Variants in THRAP3 observed in about 807,000 individuals in gnomAD.
The protein encoded by THRAP3 is thyroid hormone receptor associated protein 3.
Under a neutral mutation model 101.0 loss-of-function variants are expected in THRAP3, and 16 were observed. That is an observed-to-expected ratio of 0.16 (90% CI 0.11 to 0.24). The LOEUF (loss-of-function observed/expected upper bound fraction) is 0.24. Ranked by LOEUF, THRAP3 falls within the 10% of genes least tolerant of loss-of-function variation. The pLI is 1.00. For synonymous variants in THRAP3, 407 were observed against 422.6 expected, an observed-to-expected ratio of 0.96 and a Z score of 0.45; for missense variants, 989 against 1,202.7, an observed-to-expected ratio of 0.82 and a Z score of 2.63.
intron 1 of THRAP3, among the ~76,000 whole-genome samples, chr1:36,254,281 T>C (rs537283845): frequency 6.6e-6 from 1 of 152,338 alleles, no homozygotes; most frequent in Admixed American, 6.5e-5. Flanking sequence ...TTTACCGTCA[T>C]TTGCTTTCTT....
the THRAP3 span, among the ~76,000 whole-genome samples, chr1:36,218,970 T>C: frequency 7.6e-6 from 1 of 131,788 alleles, no homozygotes; most frequent in Non-Finnish European, 1.5e-5. Flanking sequence ...GAGGTGGAGG[T>C]GGCAGTGAGC....
In THRAP3 at chr1:36,288,550, A is replaced by G. The variant is rs1031636539; in HGVS notation, c.1041-510A>G. On this transcript the variant is annotated intron_variant, in intron 4 of 11. Transcript: ENST00000354618. Reference sequence around the variant, plus strand: ...TTTTGTTTTTATTTGTGTTCACAGTATATTTCGTATTTAGATCTTCTAGGT... The same window carrying G: ...TTTTGTTTTTATTTGTGTTCACAGTGTATTTCGTATTTAGATCTTCTAGGT... 8 of 985,420 alleles carry G rather than the reference A, an allele frequency of 8.1e-6. No homozygotes were observed. The Admixed American group carries it at 3.1e-4, about 38-fold the overall frequency. The allele number at this position is 985,420 out of a possible 1,614,324, so 61.0% of individuals were successfully genotyped here.
intron 1 of THRAP3, among the ~76,000 whole-genome samples, chr1:36,258,964 A>G (rs907405873): frequency 6.6e-6 from 1 of 152,204 alleles, no homozygotes; most frequent in Non-Finnish European, 1.5e-5. Flanking sequence ...TTGTGCTTTT[A>G]TGGGTAGGTA....
At chr1:36,287,508 T>C in intron 4 of THRAP3, 1 of 985,478 alleles carries the variant, frequency 1.0e-6, no homozygotes, top group Non-Finnish European at 1.2e-6. Flanking sequence ...TCTGCAATGA[T>C]GTTTTCACAT....
In THRAP3 at chr1:36,287,060, T is replaced by A; in HGVS notation, c.830T>A (p.Leu277His). The change falls in exon 4 of 12, where the codon CTT becomes CAT. Residue 277 changes from leucine (L) to histidine (H), a missense_variant. Transcript: ENST00000354618. ...PSPVPKPSPPLSSTSQMGSTL... is the reference protein window; with the variant it reads ...PSPVPKPSPPHSSTSQMGSTL... ...CCCGTGCCAAAACCTAGTCCTCCAC[T>A]TTCCAGCACATCCCAGATGGGCTCA... is the stretch of plus-strand genomic sequence containing the variant. 2 of 1,613,670 alleles carry A rather than the reference T, an allele frequency of 1.2e-6. No homozygotes were observed. Among genetic ancestry groups the A allele is most frequent in the Non-Finnish European group, 1.7e-6 (2 of 1,179,684 alleles).
chr1:36,210,746 A>ATCATATATATATATCATATATATAT, the THRAP3 span, among the ~76,000 whole-genome samples: 1 of 98,870 alleles, frequency 1.0e-5, no homozygotes, highest in East Asian at 2.7e-4. Context: ...TCATATATAT[A>ATCATATATATATATCATATATATAT]AAGTGTCAGC....
chr1:36,238,935 T>A (rs1427183322), intron 1 of THRAP3, among the ~76,000 whole-genome samples: 1 of 151,870 alleles, frequency 6.6e-6, no homozygotes. Flanking sequence ...ATTGTTTAAT[T>A]ATTATTATTA....
chr1:36,250,741 A>C (rs983502133), intron 1 of THRAP3, among the ~76,000 whole-genome samples: 1 of 151,224 alleles, frequency 6.6e-6, no homozygotes, highest in Non-Finnish European at 1.5e-5. Flanking sequence ...GCGAAACCCA[A>C]TCTGTACTAA....
At chr1:36,231,174 C>T (rs1332675952) in intron 1 of THRAP3, among the ~76,000 whole-genome samples, 2 of 151,606 alleles carry the variant, frequency 1.3e-5, no homozygotes, top group Non-Finnish European at 2.9e-5. Context: ...GTCTTGGTAC[C>T]TTATATCCTT....
intron 1 of THRAP3, among the ~76,000 whole-genome samples, chr1:36,242,515 C>T (rs1348859657): frequency 2.7e-5 from 4 of 147,556 alleles, no homozygotes; most frequent in Admixed American, 2.1e-4. Context: ...TGCAGAGACG[C>T]GATCTCCGCT....
chr1:36,243,913 C>T lies in THRAP3; in HGVS notation c.-134-15469C>T, dbSNP rs555096455. Among the ~76,000 whole-genome samples the T allele has an allele frequency of 1.8e-4, 26 of 141,756 alleles. 1 individual carries two copies. The highest frequency in any genetic ancestry group is 1.5e-3 in the Admixed American group (22 of 14,638). 93.0% of individuals were successfully genotyped at this position (141,756 alleles called of 152,430 possible). On this transcript the variant is annotated intron_variant, in intron 1 of 11. Transcript: ENST00000354618. ...CTCCCTCCCAGACGGGGCGGCTGGC[C>T]GGGCGGGGGGCTGACCCCCCCACCT...
the THRAP3 span, among the ~76,000 whole-genome samples, chr1:36,214,729 C>T: frequency 6.6e-6 from 1 of 150,976 alleles, no homozygotes; most frequent in Non-Finnish European, 1.5e-5. Flanking sequence ...CATGGTGGCA[C>T]ATGCCTGTAA....
the THRAP3 span, among the ~76,000 whole-genome samples, chr1:36,214,014 GAAAGAAAGAAAGAAA>G: frequency 2.7e-5 from 2 of 72,808 alleles, no homozygotes; most frequent in African/African-American, 1.3e-4. Context: ...AAGAAAGAAA[GAAAGAAAGAAAGAAA>G]GAAAGAAAGA....
Position 36,286,677 on chromosome 1 carries a change from G to A in THRAP3, c.447G>A (p.Ser149=), listed in dbSNP as rs777324978. Residue 149 remains serine (S), a synonymous_variant, in exon 4 of 12, where the codon TCG becomes TCA. Transcript: ENST00000354618. This position sits in a 1 kb window ranked among gnomAD's most constrained non-coding sequence, Gnocchi z 5.5. ...GCCATTCTAGAAACTCTGATAAGTC[G>A]TCTTCTGACCGGTCAAGGCGCTCCT... is the stretch of plus-strand genomic sequence containing the variant. ...SRSHSRNSDK[S]SSDRSRRSSS... is the part of the protein sequence containing the mutation. 28 of 1,614,008 alleles carry A rather than the reference G, an allele frequency of 1.7e-5. No individual in the cohort carries two copies. The highest frequency in any genetic ancestry group is 2.1e-5 in the Non-Finnish European group (25 of 1,180,026).
intron 3 of THRAP3, among the ~76,000 whole-genome samples, chr1:36,285,608 A>G (rs55863536): frequency 0.084 from 12,814 of 152,248 alleles, 761 homozygotes; most frequent in Middle Eastern, 0.23. Flanking sequence ...TGCTAACTTC[A>G]TGCGTCCTTG....
At position 36,287,264 on chromosome 1, in the gene THRAP3, C is replaced by T. The variant is rs1645809016; in HGVS notation, c.1034C>T (p.Thr345Ile). 6 of 1,597,038 alleles carry T rather than the reference C, an allele frequency of 3.8e-6. No homozygotes were observed. The highest frequency in any genetic ancestry group is 2.2e-5 in the South Asian group (2 of 89,126). Residue 345 changes from threonine (T) to isoleucine (I), a missense_variant, in exon 4 of 12, where the codon ACA (threonine) becomes ATA (isoleucine). Coordinates refer to ENST00000354618, the MANE Select transcript of THRAP3 (RefSeq NM_005119.4). Reference sequence around the variant, plus strand: ...GCTGCTTCAGGAGGAGCAGCCTATACAAAGAGGCAAGTATCTCATTTCCCC... The same window carrying T: ...GCTGCTTCAGGAGGAGCAGCCTATATAAAGAGGCAAGTATCTCATTTCCCC... Reference protein sequence around the residue: ...ESAASGGAAYTKRYLEEQKTE... With the variant: ...ESAASGGAAYIKRYLEEQKTE...
intron 3 of THRAP3, among the ~76,000 whole-genome samples, chr1:36,285,270 T>A (rs1331422315): frequency 6.6e-6 from 1 of 152,186 alleles, no homozygotes; most frequent in African/African-American, 2.4e-5. Flanking sequence ...TTGAAAGAGT[T>A]TTCTAGTAAA....
intron 1 of THRAP3, among the ~76,000 whole-genome samples, chr1:36,243,510 G>C (rs1193128194): frequency 6.6e-6 from 1 of 152,224 alleles, no homozygotes; most frequent in African/African-American, 2.4e-5. Flanking sequence ...GCACAGGGTT[G>C]GGGGCAAGGT....
chr1:36,297,444 A>ATTTTTT (rs764365723), intron 9 of THRAP3, among the ~76,000 whole-genome samples: 14 of 122,374 alleles, frequency 1.1e-4, no homozygotes, highest in African/African-American at 2.8e-4. Flanking sequence ...GCTGGCAAGC[A>ATTTTTT]TTTTTTTTTT....
Sources: allele counts gnomAD v4.1 joint callset (sites outside exome capture counted in the v4.1 genomes callset), GRCh38; gene constraint gnomAD v4.1.1; non-coding constraint Gnocchi (gnomAD v3.1); transcripts MANE v1.5; gene names NCBI Gene and HGNC (gene_info 2026-07-23, HGNC 2026-07-21).